SYT3: variants seen among roughly 807,000 people sequenced by gnomAD.
SYT3 encodes synaptotagmin-3.
SYT3 carries 25 observed loss-of-function variants against 50.6 expected under a neutral mutation model. The ratio of observed to expected loss-of-function variants is 0.49; its 90% CI spans 0.36 to 0.69. The LOEUF is 0.69. Among genes scored for constraint, SYT3 ranks in the 30% least tolerant of loss-of-function variants. The pLI is 0.00. For synonymous variants in SYT3, 323 were observed against 353.9 expected (o/e 0.91, Z 0.98); for missense variants, 589 against 793.6 (o/e 0.74, Z 3.10).
Position 50,625,635 on chromosome 19 carries a change from C to T in SYT3, c.1403-71G>A, listed in dbSNP as rs1435429704. ...CCTAGGGGTCCAGGACCCCAGGCCC[C>T]GAGCCCCTCCTCCCTCAGACCCAGA... is the stretch of plus-strand genomic sequence containing the variant. On this transcript the variant is annotated intron_variant, in intron 7 of 10. Coordinates refer to ENST00000600079, the MANE Select transcript of SYT3 (RefSeq NM_001160329.2). The surrounding 1 kb of genome is among the most constrained non-coding windows in gnomAD (Gnocchi z 7.5). 6 of 1,484,544 alleles carry T rather than the reference C, an allele frequency of 4.0e-6. No homozygotes were observed. The highest frequency in any genetic ancestry group is 2.6e-5 in the Admixed American group (1 of 38,898). The allele number at this position is 1,484,544 out of a possible 1,614,324, so 92.0% of individuals were successfully genotyped here.
chr19:50,625,908 G>C lies in SYT3; in HGVS notation c.1391C>G (p.Thr464Ser), dbSNP rs1984039661. ...CCCAGGACCCTCACCTGAGAAGCCA[G>C]TGAGGTCCATCGCTTTGAGGTTAGA... ...KASNLKAMDLTGFSDPYVKAS... is the reference protein window; with the variant it reads ...KASNLKAMDLSGFSDPYVKAS... The change falls in exon 7 of 11, where the codon ACT becomes AGT. Residue 464 changes from threonine to serine, a missense_variant. Around this residue, in one of 2 missense-constraint regions of SYT3, gnomAD observed 273 missense variants for 439.3 expected, o/e 0.62. Transcript: ENST00000600079. This position sits in a 1 kb window ranked among gnomAD's most constrained non-coding sequence, Gnocchi z 7.5. 1 of 1,613,770 alleles carries C rather than the reference G, an allele frequency of 6.2e-7. No individual in the cohort carries two copies. Among genetic ancestry groups the C allele is most frequent in the Non-Finnish European group, 8.5e-7 (1 of 1,179,940 alleles).
chr19:50,642,306 C>T (rs1259029158), upstream of SYT3, among the ~76,000 whole-genome samples: 1 of 152,262 alleles, frequency 6.6e-6, no homozygotes, highest in African/African-American at 2.4e-5. Context: ...GATGGGCACA[C>T]AGATGGGCTT....
chr19:50,657,946 A>G, the SYT3 span: 2 of 1,490,702 alleles, frequency 1.3e-6, no homozygotes, highest in South Asian at 1.3e-5. Context: ...CCCAAAATGA[A>G]CCAGGAGGCC....
At chr19:50,635,051 C>G (rs549627455) in intron 3 of SYT3, among the ~76,000 whole-genome samples, 26 of 152,298 alleles carry the variant, frequency 1.7e-4, no homozygotes, top group African/African-American at 5.8e-4. Context: ...GCTGGGACTA[C>G]AGGCGCCTGC....
chr19:50,632,513 G>A lies in SYT3; in HGVS notation c.447C>T (p.Gly149=). 2.5e-6 allele frequency: 4 copies of A among 1,610,492 alleles called. No individual in the cohort carries two copies. Among genetic ancestry groups the A allele is most frequent in the Non-Finnish European group, 3.4e-6 (4 of 1,178,950 alleles). The part of the protein sequence containing the change: ...HPPFAELLEP[G]SLGGSDTPEP... ...CAGGGGTGTCAGAACCCCCCAGGCT[G>A]CCTGGCTCCAGCAGCTCAGCAAAGG... is the stretch of plus-strand genomic sequence containing the variant. The change falls in exon 4 of 11, where the codon GGC becomes GGT. Residue 149 remains glycine, a synonymous_variant. Transcript: ENST00000600079. The surrounding 1 kb of genome is among the most constrained non-coding windows in gnomAD (Gnocchi z 4.7).
intron 4 of SYT3, 142 bp from the exon 5 acceptor site, chr19:50,630,313 G>A: frequency 1.2e-6 from 1 of 809,444 alleles, no homozygotes; most frequent in South Asian, 2.3e-5. Flanking sequence ...CTCACTGTGT[G>A]AGCTTGAGGA....
upstream of SYT3, among the ~76,000 whole-genome samples, chr19:50,642,404 C>G (rs970428067): frequency 6.6e-6 from 1 of 152,264 alleles, no homozygotes; most frequent in African/African-American, 2.4e-5. Context: ...CACTGGTTTT[C>G]TGTGTGACTT....
chr19:50,635,208 C>T (rs561549253), intron 3 of SYT3, among the ~76,000 whole-genome samples: 1 of 152,212 alleles, frequency 6.6e-6, no homozygotes, highest in East Asian at 1.9e-4. Flanking sequence ...ACACCTGGCC[C>T]AGAGTGCTCC....
At chr19:50,640,638 G>A (rs1205164676), upstream of SYT3, among the ~76,000 whole-genome samples, 1 of 152,160 alleles carries the variant, frequency 6.6e-6, no homozygotes, top group East Asian at 1.9e-4. Flanking sequence ...GTCTAGATCA[G>A]GGGTGTCCAA....
At chr19:50,630,310 T>A in intron 4 of SYT3, 139 bp from the exon 5 acceptor site, 2 of 856,186 alleles carry the variant, frequency 2.3e-6, no homozygotes, top group Non-Finnish European at 3.4e-6. Flanking sequence ...TTGCTCACTG[T>A]GTGAGCTTGA....
chr19:50,629,982 G>T lies in SYT3; in HGVS notation c.864C>A (p.Gly288=), dbSNP rs1462368338. Residue 288 remains glycine (G), a synonymous_variant, in exon 5 of 11, where the codon GGC becomes GGA. Transcript: ENST00000600079. ...TGPGGRRSGG[G]PGSGEAGTGA... The stretch of plus-strand genomic sequence containing the variant: ...CTGTGCCTGCCTCTCCAGAGCCTGG[G>T]CCCCCACCGCTCCGCCGGCCACCAG... The T allele has an allele frequency of 6.2e-7, 1 of 1,613,646 alleles. No individual in the cohort carries two copies. The highest frequency in any genetic ancestry group is 8.5e-7 in the Non-Finnish European group (1 of 1,179,834).
Position 50,632,855 on chromosome 19 carries a change from A to G in SYT3, c.149-44T>C. 6.9e-7 allele frequency: 1 copy of G among 1,442,032 alleles called. No individual in the cohort carries two copies. Among genetic ancestry groups the G allele is most frequent in the South Asian group, 1.5e-5 (1 of 65,460 alleles). 89.3% of individuals were successfully genotyped at this position (1,442,032 alleles called of 1,614,324 possible). ...GAGGTAGGGGTCAGGATGGGGTCAC[A>G]GTACATCCTCCCTCTGCTGTCCCCA... On this transcript the variant is annotated intron_variant, in intron 3 of 10. Transcript: ENST00000600079. This position sits in a 1 kb window ranked among gnomAD's most constrained non-coding sequence, Gnocchi z 4.7.
the SYT3 span, among the ~76,000 whole-genome samples, chr19:50,655,737 C>T: frequency 1.3e-5 from 2 of 152,096 alleles, no homozygotes; most frequent in African/African-American, 4.8e-5. Context: ...CCTGGGGTGA[C>T]TAGAAGAGGA....
chr19:50,633,035 G>A (rs73042505), intron 3 of SYT3, among the ~76,000 whole-genome samples: 5 of 152,320 alleles, frequency 3.3e-5, no homozygotes, highest in Non-Finnish European at 5.9e-5. Context: ...AGGCTGGAGT[G>A]CAGTGGCATA....
At chr19:50,634,296 GC>G (rs1984421190) in intron 3 of SYT3, among the ~76,000 whole-genome samples, 2 of 152,222 alleles carry the variant, frequency 1.3e-5, no homozygotes, top group African/African-American at 4.8e-5. Flanking sequence ...AGGTAGCTAG[GC>G]CATTGCCGGC....
At position 50,625,229 on chromosome 19, in the gene SYT3, C is replaced by A; in HGVS notation, c.1640G>T (p.Arg547Leu). ...GGCCAGCATCTCTGCCCAGTGCTCG[C>A]GGCCGTGCGGGTCGGCAGCGTCGGG... Reference protein sequence around the residue: ...VGPDAADPHGREHWAEMLANP... With the variant: ...VGPDAADPHGLEHWAEMLANP... Residue 547 changes from arginine (R) to leucine (L), a missense_variant, in exon 9 of 11, where the codon CGC becomes CTC. Transcript: ENST00000600079. The surrounding 1 kb of genome is among the most constrained non-coding windows in gnomAD (Gnocchi z 7.5). 6.3e-7 allele frequency: 1 copy of A among 1,588,496 alleles called. No individual in the cohort carries two copies. Among genetic ancestry groups the A allele is most frequent in the African/African-American group, 1.3e-5 (1 of 74,772 alleles).
At chr19:50,642,356 T>C (rs918141074), upstream of SYT3, among the ~76,000 whole-genome samples, 6 of 152,230 alleles carry the variant, frequency 3.9e-5, no homozygotes, top group African/African-American at 1.4e-4. Flanking sequence ...GACGCTCGGA[T>C]TCCGAGGCTG....
At chr19:50,627,388 G>T (rs1008822699) in intron 6 of SYT3, among the ~76,000 whole-genome samples, 1 of 152,280 alleles carries the variant, frequency 6.6e-6, no homozygotes, top group African/African-American at 2.4e-5. Context: ...GGCTGCCTGG[G>T]GTCCCCAGGC....
chr19:50,629,291 G>T lies in SYT3; in HGVS notation c.1281+3C>A. 2 of 1,590,750 alleles carry T rather than the reference G, an allele frequency of 1.3e-6. No homozygotes were observed. Among genetic ancestry groups the T allele is most frequent in the South Asian group, 2.3e-5 (2 of 88,654 alleles). ...GGGAAGGTCAGGGGAGAGGGCCACT[G>T]ACCGAGCCGCCCTCCACGATGTCCC... On this transcript the variant is annotated splice_donor_region_variant and intron_variant, in intron 6 of 10. Coordinates refer to ENST00000600079, the MANE Select transcript of SYT3 (RefSeq NM_001160329.2).
Sources: gnomAD v4.1 joint callset for allele counts (sites outside exome capture counted in the v4.1 genomes callset) on GRCh38, gnomAD v4.1.1 for gene constraint, gnomAD v4.1.1 regional missense constraint, Gnocchi (gnomAD v3.1) non-coding constraint, MANE v1.5 for transcripts, NCBI Gene and HGNC (gene_info 2026-07-23, HGNC 2026-07-21) for gene names.